TNR: variants seen among roughly 807,000 people sequenced by gnomAD.
The protein encoded by TNR is tenascin R, also known as tenascin-R.
TNR carries 45 observed loss-of-function variants against 150.4 expected under a neutral mutation model. The observed-to-expected ratio is 0.30, with a 90% CI of 0.24 to 0.38. The LOEUF (loss-of-function observed/expected upper bound fraction) is 0.38, where lower values mean the gene tolerates loss of function less well. TNR is among the 10% of genes least tolerant of loss of function. TNR has a pLI of 1.00. For synonymous variants in TNR, 687 were observed against 678.4 expected (o/e 1.01, Z -0.20); for missense variants, 1,544 against 1,759.1 (o/e 0.88, Z 2.19).
At chr1:175,610,939 C>T (rs943085475) in intron 1 of TNR, among the ~76,000 whole-genome samples, 10 of 152,196 alleles carry the variant, frequency 6.6e-5, no homozygotes, top group Admixed American at 2.6e-4. Context: ...TTTTTACTAA[C>T]GTAAATAATA....
At chr1:175,427,725 CTT>C (rs1217745892) in intron 2 of TNR, among the ~76,000 whole-genome samples, 1 of 112,394 alleles carries the variant, frequency 8.9e-6, no homozygotes, top group Admixed American at 8.6e-5. Context: ...CTCCTTCTCT[CTT>C]TCTTTTCCTT....
intron 2 of TNR, among the ~76,000 whole-genome samples, chr1:175,479,682 C>T (rs1657694611): frequency 1.3e-5 from 2 of 152,084 alleles, no homozygotes. Flanking sequence ...CACTGCTTGG[C>T]TACTCACTGA....
chr1:175,539,835 A>G (rs929963807), intron 1 of TNR, among the ~76,000 whole-genome samples: 3 of 152,150 alleles, frequency 2.0e-5, no homozygotes, highest in Admixed American at 1.3e-4. Context: ...AGATATTTGC[A>G]TTTTAAACCA....
chr1:175,502,299 G>T (rs137890452), intron 2 of TNR, among the ~76,000 whole-genome samples: 1 of 152,088 alleles, frequency 6.6e-6, no homozygotes, highest in Non-Finnish European at 1.5e-5. Flanking sequence ...TGCTCTATTC[G>T]GAGCACTCCT....
chr1:175,657,163 GT>G (rs1227111616), intron 1 of TNR, among the ~76,000 whole-genome samples: 9 of 152,282 alleles, frequency 5.9e-5, no homozygotes, highest in Admixed American at 5.9e-4. Flanking sequence ...ATGTTCTGAG[GT>G]CCCCATCAAG....
intron 2 of TNR, among the ~76,000 whole-genome samples, chr1:175,460,453 TC>T (rs1412430931): frequency 6.6e-6 from 1 of 151,904 alleles, no homozygotes; most frequent in Non-Finnish European, 1.5e-5. Context: ...CAGTTGTCTC[TC>T]CAGTCAGCCC....
rs1169273170 is a variant in TNR, at chr1:175,321,856, C to A, written c.*1501G>T. ...TCTCACCTCATTAAGAAGGTCATTC[C>A]TGTTTCCCATAGGACCAAAAAAGAA... On this transcript the variant is annotated 3_prime_UTR_variant, in exon 23 of 23. Transcript: ENST00000367674. 1.3e-5 allele frequency: 2 copies of A among 152,026 alleles called. No homozygotes were observed. Among genetic ancestry groups the A allele is most frequent in the African/African-American group, 4.8e-5 (2 of 41,386 alleles). The allele number at this position is 152,026 out of a possible 1,614,324, so 9.4% of individuals were successfully genotyped here.
chr1:175,561,639 G>A (rs893721317), intron 1 of TNR, among the ~76,000 whole-genome samples: 1 of 152,172 alleles, frequency 6.6e-6, no homozygotes, highest in Non-Finnish European at 1.5e-5. Flanking sequence ...CTGATTTTCA[G>A]AGGAGGAAAA....
intron 2 of TNR, among the ~76,000 whole-genome samples, chr1:175,459,918 G>A (rs1257801198): frequency 1.3e-5 from 2 of 152,212 alleles, no homozygotes; most frequent in African/African-American, 4.8e-5. Flanking sequence ...TCCTACTGCA[G>A]AGAGTTCATT....
chr1:175,624,582 G>T (rs1375613830), intron 1 of TNR, among the ~76,000 whole-genome samples: 1 of 152,182 alleles, frequency 6.6e-6, no homozygotes. Context: ...ACCACCAGAA[G>T]CTGGGACGAG....
In TNR at chr1:175,481,730, G is replaced by A. The variant is rs1220431389; in HGVS notation, c.-64+46539C>T. On this transcript the variant is annotated intron_variant, in intron 2 of 22. Transcript: ENST00000367674. ...TTTTTTGTGTGCCTTTCTGATGGTA[G>A]CACTACTAGAAGACAGTATTCCAGG... is the stretch of plus-strand genomic sequence containing the variant. Among the ~76,000 whole-genome samples the A allele has an allele frequency of 2.0e-5, 3 of 152,252 alleles. No individual in the cohort carries two copies. In the East Asian group the frequency reaches 5.8e-4, roughly 29 times the overall value.
chr1:175,548,651 A>G (rs1283283944), intron 1 of TNR, among the ~76,000 whole-genome samples: 1 of 131,554 alleles, frequency 7.6e-6, no homozygotes, highest in Non-Finnish European at 1.6e-5. Context: ...TCCTGGTTTT[A>G]CTGTAAGCAA....
At chr1:175,632,732 T>A (rs1331944506) in intron 1 of TNR, among the ~76,000 whole-genome samples, 1 of 152,186 alleles carries the variant, frequency 6.6e-6, no homozygotes, top group East Asian at 1.9e-4. Context: ...GGTCTTATTG[T>A]GCCTATTTTC....
chr1:175,372,922 C>T (rs778705288), intron 9 of TNR, among the ~76,000 whole-genome samples: 1 of 152,150 alleles, frequency 6.6e-6, no homozygotes, highest in Non-Finnish European at 1.5e-5. Context: ...AACTGAGGAC[C>T]CTGTCCCCAA....
chr1:175,611,339 C>T (rs1553246947), intron 1 of TNR, among the ~76,000 whole-genome samples: 1 of 151,700 alleles, frequency 6.6e-6, no homozygotes, highest in Non-Finnish European at 1.5e-5. Flanking sequence ...CGTTTCTACT[C>T]TTTTTTTTAA....
chr1:175,470,978 C>A (rs1571487451), intron 2 of TNR, among the ~76,000 whole-genome samples: 1 of 152,128 alleles, frequency 6.6e-6, no homozygotes, highest in African/African-American at 2.4e-5. Context: ...GAGGCAGAGG[C>A]AATTGGATGC....
chr1:175,348,397 C>T (rs12082077), intron 18 of TNR, among the ~76,000 whole-genome samples: 5,114 of 152,062 alleles, frequency 0.034, 238 homozygotes, highest in African/African-American at 0.1. Flanking sequence ...GAGGGGGGGA[C>T]TTGATAAACT....
At chr1:175,739,940 A>G (rs1207242624) in intron 1 of TNR, among the ~76,000 whole-genome samples, 1 of 152,224 alleles carries the variant, frequency 6.6e-6, no homozygotes, top group Non-Finnish European at 1.5e-5. Flanking sequence ...AATCATCTCT[A>G]TGAACTCCAT....
intron 2 of TNR, among the ~76,000 whole-genome samples, chr1:175,429,071 A>T (rs1460720979): frequency 6.6e-6 from 1 of 152,180 alleles, no homozygotes; most frequent in Non-Finnish European, 1.5e-5. Context: ...CCTCAGAAGG[A>T]TATTTTCATG....
Sources: gnomAD v4.1 joint callset for allele counts (sites outside exome capture counted in the v4.1 genomes callset) on GRCh38, gnomAD v4.1.1 for gene constraint, MANE v1.5 for transcripts, NCBI Gene and HGNC (gene_info 2026-07-23, HGNC 2026-07-21) for gene names.